Variants in RGPD4 observed in about 807,000 individuals in gnomAD.
RGPD4 encodes ranBP2-like and GRIP domain-containing protein 4.
Under a neutral mutation model 141.1 loss-of-function variants are expected in RGPD4, and 84 were observed. The observed-to-expected ratio is 0.60, with a 90% CI of 0.50 to 0.71. The LOEUF (loss-of-function observed/expected upper bound fraction) is 0.71, where lower values mean the gene tolerates loss of function less well. Ranked by LOEUF, RGPD4 falls within the 30% of genes least tolerant of loss-of-function variation. The probability of loss-of-function intolerance (pLI) is 0.00; values close to 1 mark genes in which losing one functional copy is unlikely to be tolerated. For missense variants in RGPD4, 918 were observed against 1,622.4 expected, an observed-to-expected ratio of 0.57 and a Z score of 7.46; for synonymous variants, 298 against 566.8, an observed-to-expected ratio of 0.53 and a Z score of 6.74.
In RGPD4 at chr2:107,872,297, A is replaced by G. The variant is rs1274562177; in HGVS notation, c.4293A>G (p.Ala1431=). ...CAGAAAGAGTATGGGTGTGGACTGC[A>G]TGTGATTTTGCAGATGGAGAAAGAA... ...KGTERVWVWT[A]CDFADGERKV... The change falls in exon 20 of 23, where the codon GCA becomes GCG. Residue 1431 remains alanine, a synonymous_variant. Coordinates refer to ENST00000408999, the MANE Select transcript of RGPD4 (RefSeq NM_182588.3). 8.1e-6 allele frequency: 13 copies of G among 1,610,106 alleles called. No individual in the cohort carries two copies. Among genetic ancestry groups the G allele is most frequent in the Non-Finnish European group, 1.1e-5 (13 of 1,179,680 alleles).
chr2:107,832,190 T>C (rs1681517433), intron 1 of RGPD4, among the ~76,000 whole-genome samples: 1 of 150,886 alleles, frequency 6.6e-6, no homozygotes, highest in Admixed American at 6.6e-5. Context: ...CTTAAAACAT[T>C]GATTGATTGA....
chr2:107,855,448 C>A (rs1023942993), intron 8 of RGPD4, among the ~76,000 whole-genome samples: 1 of 151,468 alleles, frequency 6.6e-6, no homozygotes, highest in Non-Finnish European at 1.5e-5. Context: ...TTCCTTCTAC[C>A]CTTGCAGGGC....
chr2:107,833,895 G>A (rs972037660), intron 1 of RGPD4, among the ~76,000 whole-genome samples: 1 of 152,024 alleles, frequency 6.6e-6, no homozygotes, highest in Non-Finnish European at 1.5e-5. Context: ...AATTAGCTGG[G>A]CATGGTGGCG....
rs755099899 is a variant in RGPD4 at position 107,872,636 on chromosome 2, G to A, written c.4632G>A (p.Glu1544=). The change falls in exon 20 of 23, where the codon GAG becomes GAA. Residue 1544 remains glutamate (E), a synonymous_variant. Transcript: ENST00000408999. ...CTCCAAAGTTTGTATTTGGTTCAGAGTCTGTTAAAAGAATTTTTAGTAGTG... is the reference window on the plus strand; with the variant it reads ...CTCCAAAGTTTGTATTTGGTTCAGAATCTGTTAAAAGAATTTTTAGTAGTG... The part of the protein sequence containing the change: ...VSPPKFVFGS[E]SVKRIFSSEK... The A allele has an allele frequency of 2.5e-6, 4 of 1,608,258 alleles. No homozygotes were observed. Among genetic ancestry groups the A allele is most frequent in the African/African-American group, 1.4e-5 (1 of 73,208 alleles).
intron 20 of RGPD4, among the ~76,000 whole-genome samples, chr2:107,878,653 TTGGATGGATGGATGAGA>T (rs1165726402): frequency 3.3e-5 from 4 of 119,652 alleles, no homozygotes; most frequent in African/African-American, 1.2e-4. Context: ...AATTGGATGG[TTGGATGGATGGATGAGA>T]TGGATGGATG....
chr2:107,854,054 C>CTTTT (rs1052579812), intron 7 of RGPD4, among the ~76,000 whole-genome samples: 25 of 125,916 alleles, frequency 2.0e-4, no homozygotes, highest in African/African-American at 7.8e-4. Context: ...TGGCCCCTCT[C>CTTTT]TTTTTTTTTT....
chr2:107,851,262 C>T (rs896413035), intron 7 of RGPD4, among the ~76,000 whole-genome samples: 2 of 88,364 alleles, frequency 2.3e-5, no homozygotes, highest in African/African-American at 5.0e-5. Flanking sequence ...AGGTGCCTGC[C>T]ACCATGCCTG....
At chr2:107,830,640 C>T (rs978787387) in intron 1 of RGPD4, among the ~76,000 whole-genome samples, 10 of 151,822 alleles carry the variant, frequency 6.6e-5, no homozygotes, top group African/African-American at 2.4e-4. Context: ...TGAAGCTATT[C>T]TGTGAAGTTA....
chr2:107,890,696 T>C, intron 22 of RGPD4, 25 bp from the exon 23 acceptor site: 3 of 1,593,486 alleles, frequency 1.9e-6, no homozygotes, highest in Non-Finnish European at 8.5e-7. Context: ...TCTTTTTTCT[T>C]TTTTTTTTGT....
intron 1 of RGPD4, among the ~76,000 whole-genome samples, chr2:107,829,501 G>C (rs1329316780): frequency 1.8e-5 from 2 of 113,136 alleles, no homozygotes; most frequent in Admixed American, 8.5e-5. Context: ...GGCTACCGAC[G>C]GGCGCTGCTC....
intron 20 of RGPD4, among the ~76,000 whole-genome samples, chr2:107,878,715 G>A (rs1683164310): frequency 1.1e-5 from 1 of 89,504 alleles, no homozygotes; most frequent in Admixed American, 1.3e-4. Context: ...ACGATCACTA[G>A]GCCATCTGCA....
chr2:107,886,825 A>G (rs3872523), intron 22 of RGPD4, among the ~76,000 whole-genome samples: 1 of 152,216 alleles, frequency 6.6e-6, no homozygotes, highest in Admixed American at 6.5e-5. Context: ...TCTCCTTGGA[A>G]GCAAATGTTT....
chr2:107,865,817 T>TC (rs1402368218), intron 17 of RGPD4, among the ~76,000 whole-genome samples: 2 of 145,526 alleles, frequency 1.4e-5, no homozygotes, highest in Non-Finnish European at 3.0e-5. Flanking sequence ...ACACCTATAA[T>TC]CCCAGCACTT....
intron 1 of RGPD4, among the ~76,000 whole-genome samples, chr2:107,830,228 T>G (rs2104394063): frequency 6.6e-6 from 1 of 152,114 alleles, no homozygotes; most frequent in Non-Finnish European, 1.5e-5. Context: ...GCTTGCAATT[T>G]TTAACCTTTT....
At chr2:107,878,040 C>T (rs564810422) in intron 20 of RGPD4, among the ~76,000 whole-genome samples, 68 of 151,148 alleles carry the variant, frequency 4.5e-4, no homozygotes, top group East Asian at 9.7e-4. Flanking sequence ...CTTGAACTTG[C>T]TGACCTCGTG....
At chr2:107,845,110 A>G (rs1246920203) in intron 6 of RGPD4, among the ~76,000 whole-genome samples, 10 of 141,622 alleles carry the variant, frequency 7.1e-5, no homozygotes, top group Admixed American at 4.3e-4. Context: ...GTGCAGTCTC[A>G]GCTCACTGCA....
At chr2:107,855,510 T>C (rs1440663854) in intron 8 of RGPD4, among the ~76,000 whole-genome samples, 1 of 151,948 alleles carries the variant, frequency 6.6e-6, no homozygotes, top group East Asian at 1.9e-4. Context: ...TTGCCTGTAT[T>C]TTTTTTTATG....
rs1682240145 is a variant in RGPD4, at chr2:107,854,586, G to A, written c.1009G>A (p.Gly337Ser). ...VPRPKIKLIK[G>S]EAGQNLLEMM... ...AAGACCAAAGATTAAATTAATAAAA[G>A]GTGAAGCTGGACAAAATCTGCTGGA... The change falls in exon 8 of 23, where the codon GGT becomes AGT. Residue 337 changes from glycine (G) to serine (S), a missense_variant. Physicochemically the swap from Gly to Ser is moderately conservative, Grantham distance 56. Transcript: ENST00000408999. The A allele has an allele frequency of 1.3e-6, 2 of 1,534,018 alleles. No individual in the cohort carries two copies. The highest frequency in any genetic ancestry group is 4.9e-5 in the East Asian group (2 of 40,900).
At chr2:107,870,585 A>G (rs1682869851) in intron 19 of RGPD4, 120 bp from the exon 20 acceptor site, 1 of 830,620 alleles carries the variant, frequency 1.2e-6, no homozygotes, top group Admixed American at 2.8e-5. Flanking sequence ...TGTTATCATC[A>G]TCATCATCAT....
Sources: allele counts gnomAD v4.1 joint callset (sites outside exome capture counted in the v4.1 genomes callset), GRCh38; gene constraint gnomAD v4.1.1; transcripts MANE v1.5; gene names NCBI Gene and HGNC (gene_info 2026-07-23, HGNC 2026-07-21).